The following MACROD2 variants were observed in gnomAD, a reference collection of about 807,000 sequenced individuals.
The protein encoded by MACROD2 is mono-ADP ribosylhydrolase 2, also known as ADP-ribose glycohydrolase MACROD2.
MACROD2 carries 36 observed loss-of-function variants against 70.4 expected under a neutral mutation model. That is an observed-to-expected ratio of 0.51 (90% CI 0.39 to 0.68). MACROD2 has a LOEUF of 0.68. Among genes scored for constraint, MACROD2 ranks in the 30% least tolerant of loss-of-function variants. The pLI, the probability that MACROD2 is intolerant of heterozygous loss-of-function variation, is 0.00. For synonymous variants in MACROD2, 172 were observed against 178.8 expected (o/e 0.96, Z 0.30); for missense variants, 496 against 538.4 (o/e 0.92, Z 0.78).
intron 3 of MACROD2, among the ~76,000 whole-genome samples, chr20:14,244,408 G>A (rs902506898): frequency 6.6e-6 from 1 of 152,088 alleles, no homozygotes; most frequent in Non-Finnish European, 1.5e-5. Flanking sequence ...CCCATATTCA[G>A]TAGTGAGCAA....
intron 8 of MACROD2, among the ~76,000 whole-genome samples, chr20:15,707,812 C>T (rs1247394063): frequency 2.0e-5 from 3 of 149,368 alleles, no homozygotes; most frequent in Non-Finnish European, 4.4e-5. Flanking sequence ...CAAATACTTA[C>T]AAAACGTAAA....
chr20:15,739,745 G>A (rs1286798708), intron 8 of MACROD2, among the ~76,000 whole-genome samples: 2 of 152,118 alleles, frequency 1.3e-5, no homozygotes, highest in African/African-American at 2.4e-5. Context: ...AATGAAAACA[G>A]TAGAAAGATT....
chr20:15,911,167 G>A (rs1011041188), intron 10 of MACROD2, among the ~76,000 whole-genome samples: 1 of 152,164 alleles, frequency 6.6e-6, no homozygotes, highest in African/African-American at 2.4e-5. Flanking sequence ...ACTAGGTCTA[G>A]GACACATGGC....
At chr20:14,602,733 T>G (rs1009775910) in intron 4 of MACROD2, among the ~76,000 whole-genome samples, 1 of 152,222 alleles carries the variant, frequency 6.6e-6, no homozygotes, top group Middle Eastern at 3.2e-3. Flanking sequence ...CTGTTCAGCA[T>G]TCTTCCCTAC....
At chr20:15,051,779 T>C (rs2075443848) in intron 5 of MACROD2, among the ~76,000 whole-genome samples, 1 of 150,120 alleles carries the variant, frequency 6.7e-6, no homozygotes, top group Non-Finnish European at 1.5e-5. Flanking sequence ...TGACGGAGTC[T>C]TTCTCTGTCC....
At chr20:14,692,119 C>T (rs1450612539) in intron 5 of MACROD2, among the ~76,000 whole-genome samples, 1 of 152,170 alleles carries the variant, frequency 6.6e-6, no homozygotes, top group African/African-American at 2.4e-5. Flanking sequence ...GTTCCTGGAG[C>T]AGCAGCATCA....
chr20:15,599,421 C>T (rs111995445), intron 8 of MACROD2, among the ~76,000 whole-genome samples: 229 of 152,054 alleles, frequency 1.5e-3, no homozygotes, highest in African/African-American at 5.1e-3. Context: ...TGAAACCATC[C>T]GAGAATTTCA....
intron 8 of MACROD2, among the ~76,000 whole-genome samples, chr20:15,636,613 A>T (rs904097202): frequency 2.6e-5 from 4 of 152,170 alleles, no homozygotes; most frequent in Non-Finnish European, 5.9e-5. Flanking sequence ...GACAAAGTGC[A>T]TCATTAGCTG....
At chr20:15,116,142 T>A (rs2075990281) in intron 5 of MACROD2, among the ~76,000 whole-genome samples, 1 of 152,188 alleles carries the variant, frequency 6.6e-6, no homozygotes, top group Non-Finnish European at 1.5e-5. Flanking sequence ...CCCTCTTGTA[T>A]CTTGTCAGAA....
Position 14,039,439 on chromosome 20 carries a change from AT to A in MACROD2, c.163+37042del, listed in dbSNP as rs1176220923. Among the ~76,000 whole-genome samples the A allele has an allele frequency of 3.9e-5, 6 of 152,162 alleles. No homozygotes were observed. The South Asian group carries it at 1.2e-3, about 32-fold the overall frequency. On this transcript the variant is annotated intron_variant, in intron 2 of 17. Transcript: ENST00000684519. ...CGTCTTGTTTTAAATCTTATGTTTT[AT>A]TTTTTTCTTTAATCTTAACAAACCC...
In MACROD2 at chr20:14,777,657, A is replaced by G. The variant is rs186420311; in HGVS notation, c.418+92698A>G. On this transcript the variant is annotated intron_variant, in intron 5 of 17. Coordinates refer to ENST00000684519, the MANE Select transcript of MACROD2 (RefSeq NM_001351661.2). ...AGTGGCGCCAGAGAACAAAAAAGAA[A>G]CAACTAATGATTAGGTAACTAGTGG... 1.5e-3 allele frequency among the ~76,000 whole-genome samples: 227 copies of G among 152,204 alleles called. 2 individuals carry two copies. The highest frequency in any genetic ancestry group is 1.5e-3 in the Non-Finnish European group (105 of 68,018).
At chr20:14,649,302 C>G (rs1242775063) in intron 4 of MACROD2, among the ~76,000 whole-genome samples, 2 of 152,170 alleles carry the variant, frequency 1.3e-5, no homozygotes, top group Non-Finnish European at 2.9e-5. Context: ...ACTAGTGAAA[C>G]TAGTCTCAAA....
At chr20:15,440,533 T>A (rs2046482379) in intron 7 of MACROD2, among the ~76,000 whole-genome samples, 1 of 152,194 alleles carries the variant, frequency 6.6e-6, no homozygotes, top group African/African-American at 2.4e-5. Flanking sequence ...GTTAACCTTG[T>A]ATCTACTTGG....
chr20:15,487,570 T>C (rs914048071), intron 7 of MACROD2, among the ~76,000 whole-genome samples: 1 of 152,148 alleles, frequency 6.6e-6, no homozygotes, highest in African/African-American at 2.4e-5. Context: ...ATCTAAACCA[T>C]AGAATAGAAG....
intron 5 of MACROD2, among the ~76,000 whole-genome samples, chr20:15,208,049 A>G (rs1446463762): frequency 6.6e-6 from 1 of 151,464 alleles, no homozygotes; most frequent in East Asian, 1.9e-4. Flanking sequence ...ATGATTTTAG[A>G]TCTTTTGTAA....
At chr20:14,159,597 AT>A (rs1374725720) in intron 3 of MACROD2, among the ~76,000 whole-genome samples, 52 of 152,256 alleles carry the variant, frequency 3.4e-4, no homozygotes, top group African/African-American at 1.2e-3. Context: ...TACTGAAATT[AT>A]TTATCAGGTC....
chr20:15,763,174 C>T (rs538701019), intron 8 of MACROD2, among the ~76,000 whole-genome samples: 6 of 152,210 alleles, frequency 3.9e-5, no homozygotes, highest in East Asian at 1.9e-4. Flanking sequence ...CTCTGCGCAC[C>T]GCCACTGACA....
intron 3 of MACROD2, among the ~76,000 whole-genome samples, chr20:14,244,311 C>T (rs1177851526): frequency 3.3e-5 from 5 of 151,966 alleles, no homozygotes. Flanking sequence ...TGAGCTCAGA[C>T]GCTGGAATGT....
chr20:14,479,073 CTGGTG>C (rs2084631579), intron 3 of MACROD2, among the ~76,000 whole-genome samples: 1 of 152,090 alleles, frequency 6.6e-6, no homozygotes, highest in African/African-American at 2.4e-5. Flanking sequence ...CACAAGTATC[CTGGTG>C]AAGGAGGGGA....
Sources: gnomAD v4.1 joint callset for allele counts (sites outside exome capture counted in the v4.1 genomes callset) on GRCh38, gnomAD v4.1.1 for gene constraint, MANE v1.5 for transcripts, NCBI Gene and HGNC (gene_info 2026-07-23, HGNC 2026-07-21) for gene names.